The following WDR36 variants were observed in gnomAD, a reference collection of about 807,000 sequenced individuals.
WDR36 encodes WD repeat-containing protein 36.
Under a neutral mutation model 112.7 loss-of-function variants are expected in WDR36, and 63 were observed. That is an observed-to-expected ratio of 0.56 (90% confidence interval 0.46 to 0.69). WDR36 has a LOEUF of 0.69. Ranked by LOEUF, WDR36 falls within the 30% of genes least tolerant of loss-of-function variation. The pLI is 0.00. For synonymous variants in WDR36, 410 were observed against 362.2 expected (o/e 1.13, Z -1.50); for missense variants, 1,226 against 1,070.3 (o/e 1.15, Z -2.03).
At chr5:111,119,209 T>C in intron 17 of WDR36, 89 bp downstream of exon 17, 3 of 1,011,408 alleles carry the variant, frequency 3.0e-6, no homozygotes, top group Non-Finnish European at 4.7e-6. Flanking sequence ...TTAGGCTGTT[T>C]TTAAGTGTAT....
intron 9 of WDR36, 39 bp downstream of exon 9, chr5:111,104,856 G>A (rs1325738613): frequency 1.2e-6 from 2 of 1,608,850 alleles, no homozygotes; most frequent in Non-Finnish European, 1.7e-6. Flanking sequence ...ATTTCAGCAA[G>A]TATTGAGATG....
Position 111,092,374 on chromosome 5 carries a change from C to T in WDR36, c.-83C>T, listed in dbSNP as rs1320261579. 6.2e-7 allele frequency: 1 copy of T among 1,614,128 alleles called. No homozygotes were observed. The highest frequency in any genetic ancestry group is 1.3e-5 in the African/African-American group (1 of 74,948). ...TTGTGTCTGCAGCTCTGGCAGAGGA[C>T]TGTTCCACTAGACACGCTGAAGGGA... is the stretch of plus-strand genomic sequence containing the variant. On this transcript the variant is annotated 5_prime_UTR_variant, in exon 1 of 23. Transcript: ENST00000513710.
chr5:111,130,031 G>A lies in WDR36; in HGVS notation c.*3148G>A. Reference sequence around the variant, plus strand: ...TTCCTAGTAAATGATGCATTACTTTGGTATGTTCTCAGATTTGGGTAAAGC... The same window carrying A: ...TTCCTAGTAAATGATGCATTACTTTAGTATGTTCTCAGATTTGGGTAAAGC... On this transcript the variant is annotated 3_prime_UTR_variant, in exon 23 of 23. Coordinates refer to ENST00000513710, the MANE Select transcript of WDR36 (RefSeq NM_139281.3). 1 of 212,500 alleles carries A rather than the reference G, an allele frequency of 4.7e-6. No homozygotes were observed. Among genetic ancestry groups the A allele is most frequent in the Non-Finnish European group, 9.5e-6 (1 of 105,026 alleles). The allele number at this position is 212,500 out of a possible 1,614,324, so 13.2% of individuals were successfully genotyped here.
chr5:111,106,233 T>G (rs1464339312), intron 11 of WDR36, 90 bp downstream of exon 11: 1 of 1,203,562 alleles, frequency 8.3e-7, no homozygotes, highest in Non-Finnish European at 1.2e-6. Context: ...TAATAAATGC[T>G]TTTACAAATA....
chr5:111,113,492 G>GT (rs1372716250), intron 16 of WDR36, among the ~76,000 whole-genome samples: 3 of 151,920 alleles, frequency 2.0e-5, no homozygotes, highest in African/African-American at 4.8e-5. Flanking sequence ...AAACTTTTGA[G>GT]TTTTTTTAGT....
chr5:111,104,782 A>G lies in WDR36; in HGVS notation c.992A>G (p.Tyr331Cys). 2 of 1,611,226 alleles carry G rather than the reference A, an allele frequency of 1.2e-6. No individual in the cohort carries two copies. The highest frequency in any genetic ancestry group is 1.7e-6 in the Non-Finnish European group (2 of 1,177,850). ...AGTGCTCCTCTTACCAATATCAGATATTATGGACAGAATGGACAGCAGATT... is the reference window on the plus strand; with the variant it reads ...AGTGCTCCTCTTACCAATATCAGATGTTATGGACAGAATGGACAGCAGATT... ...GHSAPLTNIRYYGQNGQQILS... is the reference protein window; with the variant it reads ...GHSAPLTNIRCYGQNGQQILS... Residue 331 changes from tyrosine to cysteine, a missense_variant, in exon 9 of 23, where the codon TAT (tyrosine) becomes TGT (cysteine). Physicochemically the swap from Tyr to Cys is radical, Grantham distance 194. Transcript: ENST00000513710.
rs1753247370 is a variant in WDR36, at chr5:111,107,689, A to C, written c.1326+250A>C. On this transcript the variant is annotated intron_variant, in intron 12 of 22. Transcript: ENST00000513710. ...TGGTATGATAAAGGGGTCCAAATTCATTTTTTTACATGTGGATATCCAGTT... is the reference window on the plus strand; with the variant it reads ...TGGTATGATAAAGGGGTCCAAATTCCTTTTTTTACATGTGGATATCCAGTT... Among the ~76,000 whole-genome samples, 3 of 151,256 alleles carry C rather than the reference A, an allele frequency of 2.0e-5. No homozygotes were observed. The Admixed American group carries it at 2.0e-4, about 10-fold the overall frequency.
intron 2 of WDR36, among the ~76,000 whole-genome samples, chr5:111,096,254 T>A (rs1752977367): frequency 6.6e-6 from 1 of 152,210 alleles, no homozygotes; most frequent in Non-Finnish European, 1.5e-5. Flanking sequence ...TGGAGAAGAC[T>A]GTAGAAACAA....
chr5:111,104,316 ACTT>A lies in WDR36; in HGVS notation c.874_876del (p.Leu292del), dbSNP rs2112572100. ...GACTGACATTTCTCCATAGAGAGCCACTTCTTGTCACAAATGGCGCTGACAATG... is the reference window on the plus strand; with the variant it reads ...GACTGACATTTCTCCATAGAGAGCCACTTGTCACAAATGGCGCTGACAATG... On this transcript the variant is annotated inframe_deletion, in exon 8 of 23. Coordinates refer to ENST00000513710, the MANE Select transcript of WDR36 (RefSeq NM_139281.3). The A allele has an allele frequency of 6.2e-7, 1 of 1,612,072 alleles. No individual in the cohort carries two copies. The highest frequency in any genetic ancestry group is 1.1e-5 in the South Asian group (1 of 91,056).
chr5:111,095,351 G>C (rs1263852997), intron 2 of WDR36: 1 of 180,434 alleles, frequency 5.5e-6, no homozygotes, highest in Non-Finnish European at 1.2e-5. Flanking sequence ...TCCTGGTAGT[G>C]ATTGGTTAGG....
At chr5:111,104,624 G>A (rs916751036) in intron 8 of WDR36, 73 bp from the exon 9 acceptor site, 2 of 1,606,332 alleles carry the variant, frequency 1.2e-6, no homozygotes, top group Non-Finnish European at 1.7e-6. Context: ...GTTGATTTAT[G>A]TAGGGGGTGA....
chr5:111,111,420 A>G (rs961085280), intron 15 of WDR36, 142 bp downstream of exon 15: 1 of 725,560 alleles, frequency 1.4e-6, no homozygotes, highest in East Asian at 2.8e-5. Context: ...TTAAAGGAAA[A>G]TTTTGAATTA....
chr5:111,121,689 C>T (rs534465608), intron 19 of WDR36, among the ~76,000 whole-genome samples: 46 of 152,108 alleles, frequency 3.0e-4, no homozygotes, highest in African/African-American at 1.0e-3. Flanking sequence ...AAAAACAGCC[C>T]CTTTGTCCTT....
At chr5:111,120,450 A>C in intron 17 of WDR36, 46 bp from the exon 18 acceptor site, 3 of 1,465,654 alleles carry the variant, frequency 2.0e-6, no homozygotes, top group Non-Finnish European at 2.9e-6. Flanking sequence ...CTCTGAAAGA[A>C]ACTTTTTATA....
At chr5:111,116,517 G>T (rs547781750) in intron 16 of WDR36, among the ~76,000 whole-genome samples, 1 of 152,124 alleles carries the variant, frequency 6.6e-6, no homozygotes, top group Non-Finnish European at 1.5e-5. Context: ...ACAACCTTCT[G>T]AATTGTTATG....
Position 111,105,345 on chromosome 5 carries a change from AAG to A in WDR36, c.1081_1082del (p.Ser361LeufsTer8). 1 of 1,609,954 alleles carries A rather than the reference AAG, an allele frequency of 6.2e-7. No homozygotes were observed. Among genetic ancestry groups the A allele is most frequent in the Non-Finnish European group, 8.5e-7 (1 of 1,177,146 alleles). On this transcript the variant is annotated frameshift_variant, in exon 10 of 23. Coordinates refer to ENST00000513710, the MANE Select transcript of WDR36 (RefSeq NM_139281.3). LOFTEE classifies it high-confidence loss of function. ...SFSTVHEKFN[K>X]SLGHGLINKK... ...TTCCACGGTACATGAAAAATTCAAT[AAG>A]AGCTTGGGACATGGTAGGTCCTCTA... is the stretch of plus-strand genomic sequence containing the variant.
intron 4 of WDR36, among the ~76,000 whole-genome samples, 154 bp downstream of exon 4, chr5:111,098,993 T>G (rs928519731): frequency 6.6e-6 from 1 of 152,212 alleles, no homozygotes; most frequent in Non-Finnish European, 1.5e-5. Context: ...AAAAAAGTTC[T>G]AAGTAAGAAA....
chr5:111,110,630 A>T (rs1753312960), intron 13 of WDR36, among the ~76,000 whole-genome samples, 158 bp from the exon 14 acceptor site: 1 of 151,562 alleles, frequency 6.6e-6, no homozygotes, highest in Non-Finnish European at 1.5e-5. Context: ...AATAATTAAG[A>T]ATCTTCTTAC....
At chr5:111,114,489 T>C (rs1304652893) in intron 16 of WDR36, among the ~76,000 whole-genome samples, 2 of 152,218 alleles carry the variant, frequency 1.3e-5, no homozygotes, top group African/African-American at 4.8e-5. Context: ...GCCTGAGGCA[T>C]ACCTACCCAT....
Sources: allele counts gnomAD v4.1 joint callset (sites outside exome capture counted in the v4.1 genomes callset), GRCh38; gene constraint gnomAD v4.1.1; transcripts MANE v1.5; gene names NCBI Gene and HGNC (gene_info 2026-07-23, HGNC 2026-07-21).